The following RIPOR2 variants were observed in gnomAD, a reference collection of about 807,000 sequenced individuals.
The protein encoded by RIPOR2 is RHO family interacting cell polarization regulator 2.
Under a neutral mutation model 114.5 loss-of-function variants are expected in RIPOR2, and 39 were observed. The observed-to-expected ratio is 0.34, with a 90% CI of 0.26 to 0.44. The LOEUF (loss-of-function observed/expected upper bound fraction) is 0.44, where lower values mean the gene tolerates loss of function less well. Ranked by LOEUF, RIPOR2 falls within the 20% of genes least tolerant of loss-of-function variation. The pLI, the probability that RIPOR2 is intolerant of heterozygous loss-of-function variation, is 1.00. For missense variants in RIPOR2, 1,007 were observed against 1,255.1 expected (o/e 0.80, Z 2.99); for synonymous variants, 445 against 484.4 (o/e 0.92, Z 1.07).
intron 1 of RIPOR2, among the ~76,000 whole-genome samples, chr6:24,915,371 T>C (rs531607382): frequency 1.1e-4 from 16 of 150,990 alleles, no homozygotes; most frequent in Non-Finnish European, 1.6e-4. Context: ...TTTTTTTTTT[T>C]TGAGATGGAG....
At chr6:24,885,205 AC>A (rs1158585055) in intron 1 of RIPOR2, among the ~76,000 whole-genome samples, 1 of 152,130 alleles carries the variant, frequency 6.6e-6, no homozygotes, top group African/African-American at 2.4e-5. Flanking sequence ...TTGAAGTGGT[AC>A]CTATTTCTGG....
chr6:25,021,259 G>A (rs529444051), intron 1 of RIPOR2, among the ~76,000 whole-genome samples: 1 of 152,274 alleles, frequency 6.6e-6, no homozygotes, highest in Non-Finnish European at 1.5e-5. Context: ...AAAGGGAGAA[G>A]GAATGCATTT....
At chr6:24,947,289 T>C (rs949892906) in intron 1 of RIPOR2, among the ~76,000 whole-genome samples, 3 of 152,112 alleles carry the variant, frequency 2.0e-5, no homozygotes, top group Non-Finnish European at 4.4e-5. Flanking sequence ...TCACCTTAGA[T>C]GCACTCTAAC....
intron 13 of RIPOR2, among the ~76,000 whole-genome samples, chr6:24,842,512 C>T (rs538248503): frequency 6.2e-4 from 95 of 152,154 alleles, no homozygotes; most frequent in Non-Finnish European, 6.2e-4. Flanking sequence ...CCTGCTTTCC[C>T]GACCCCCTGA....
At chr6:24,951,477 G>A (rs200316857) in intron 1 of RIPOR2, among the ~76,000 whole-genome samples, 2 of 152,152 alleles carry the variant, frequency 1.3e-5, no homozygotes, top group Admixed American at 6.5e-5. Context: ...TAAGACTTCC[G>A]TAAAAGGATC....
At chr6:24,868,303 AG>A (rs555395433) in intron 6 of RIPOR2, among the ~76,000 whole-genome samples, 199 of 152,330 alleles carry the variant, frequency 1.3e-3, no homozygotes, top group African/African-American at 4.2e-3. Flanking sequence ...GCAAGTGAGT[AG>A]GTGGCAGAGC....
chr6:24,821,033 C>A (rs112788438), intron 19 of RIPOR2, among the ~76,000 whole-genome samples: 2 of 151,690 alleles, frequency 1.3e-5, no homozygotes, highest in Middle Eastern at 3.2e-3. Context: ...CCACCACACC[C>A]GGCTAATTTT....
Position 24,805,497 on chromosome 6 carries a change from C to T in RIPOR2, c.*876G>A, listed in dbSNP as rs1272197179. The stretch of plus-strand genomic sequence containing the variant: ...CAACCTCTGCCTCAAGTGATCCTCC[C>T]ACCTCAGACTCCAGAGTAGCTGGGA... On this transcript the variant is annotated 3_prime_UTR_variant, in exon 22 of 22. Transcript: ENST00000643898. 1.3e-5 allele frequency: 2 copies of T among 151,874 alleles called. No homozygotes were observed. The highest frequency in any genetic ancestry group is 2.9e-5 in the Non-Finnish European group (2 of 67,976). 9.4% of individuals were successfully genotyped at this position (151,874 alleles called of 1,614,324 possible).
rs1053192329 is a variant in RIPOR2 at position 24,932,470 on chromosome 6, T to C, written c.61+3368A>G. On this transcript the variant is annotated intron_variant, in intron 1 of 21. Coordinates refer to ENST00000643898, the MANE Select transcript of RIPOR2 (RefSeq NM_001286445.3). ...CTCTTTCTCTTTCTCTCTCACTATA[T>C]GCAACCTGTTTTAGAACAAGAGCAG... Among the ~76,000 whole-genome samples the C allele has an allele frequency of 2.6e-5, 4 of 152,316 alleles. No individual in the cohort carries two copies. The South Asian group carries it at 6.2e-4, about 24-fold the overall frequency.
chr6:25,023,811 T>A (rs997185038), intron 1 of RIPOR2: 10 of 758,890 alleles, frequency 1.3e-5, no homozygotes, highest in African/African-American at 8.5e-5. Context: ...ACCCCTTTTT[T>A]AACTCGATCT....
chr6:24,836,475 A>T lies in RIPOR2; in HGVS notation c.2040-604T>A, dbSNP rs564056894. On this transcript the variant is annotated intron_variant, in intron 14 of 21. Coordinates refer to ENST00000643898, the MANE Select transcript of RIPOR2 (RefSeq NM_001286445.3). Reference sequence around the variant, plus strand: ...TTGTTGAACTGTATGAAGTTATATCATGGTAGGCACCTACATTTAAAAAAA... The same window carrying T: ...TTGTTGAACTGTATGAAGTTATATCTTGGTAGGCACCTACATTTAAAAAAA... Among the ~76,000 whole-genome samples the T allele has an allele frequency of 2.6e-5, 4 of 152,316 alleles. No individual in the cohort carries two copies. The East Asian group carries it at 7.7e-4, about 29-fold the overall frequency.
intron 4 of RIPOR2, 48 bp from the exon 5 acceptor site, chr6:24,870,937 G>A: frequency 7.7e-7 from 1 of 1,295,428 alleles, no homozygotes; most frequent in South Asian, 1.3e-5. Context: ...TCCTTCAAAA[G>A]GTTACCCATC....
intron 13 of RIPOR2, chr6:24,840,739 C>G: frequency 6.5e-7 from 1 of 1,535,526 alleles, no homozygotes; most frequent in Non-Finnish European, 8.7e-7. Flanking sequence ...CAAGAGGCAG[C>G]ACCATTTAGT....
intron 1 of RIPOR2, among the ~76,000 whole-genome samples, chr6:24,956,004 T>C (rs429230): frequency 0.54 from 75,641 of 141,306 alleles, 21,535 homozygotes; most frequent in East Asian, 0.81. Context: ...AGTGAGACTC[T>C]GTCTCAAAAA....
intron 1 of RIPOR2, among the ~76,000 whole-genome samples, chr6:24,899,514 TAG>T (rs1335599234): frequency 1.3e-5 from 2 of 152,206 alleles, no homozygotes; most frequent in African/African-American, 4.8e-5. Flanking sequence ...TCTTTTCTGA[TAG>T]AGAGATAGAA....
At chr6:24,840,475 A>T (rs1197288819) in intron 13 of RIPOR2, 1 of 1,355,694 alleles carries the variant, frequency 7.4e-7, no homozygotes, top group Admixed American at 3.1e-5. Flanking sequence ...CTATGGGCAC[A>T]GAGTTGGAGA....
intron 1 of RIPOR2, among the ~76,000 whole-genome samples, chr6:24,920,240 A>C (rs1406697677): frequency 6.6e-6 from 1 of 152,220 alleles, no homozygotes; most frequent in African/African-American, 2.4e-5. Context: ...ACACCTCTTT[A>C]GGTCTCTTCC....
intron 1 of RIPOR2, among the ~76,000 whole-genome samples, chr6:24,966,930 C>A (rs151046572): frequency 5.4e-4 from 82 of 152,322 alleles, no homozygotes; most frequent in African/African-American, 1.9e-3. Context: ...TATGGCAAGT[C>A]CTTCAAGGTG....
At chr6:24,916,776 C>T (rs572338541) in intron 1 of RIPOR2, among the ~76,000 whole-genome samples, 1 of 152,298 alleles carries the variant, frequency 6.6e-6, no homozygotes, top group African/African-American at 2.4e-5. Flanking sequence ...TATCTGCTTG[C>T]ACAATGAGAA....
Sources: allele counts gnomAD v4.1 joint callset (sites outside exome capture counted in the v4.1 genomes callset), GRCh38; gene constraint gnomAD v4.1.1; transcripts MANE v1.5; gene names NCBI Gene and HGNC (gene_info 2026-07-23, HGNC 2026-07-21).